The following CREB3L2 variants were observed in gnomAD, a reference collection of about 807,000 sequenced individuals.
CREB3L2 encodes cyclic AMP-responsive element-binding protein 3-like protein 2.
In CREB3L2, 23 loss-of-function variants were observed where a neutral mutation model predicts 57.2. That is an observed-to-expected ratio of 0.40 (90% confidence interval 0.29 to 0.57). The LOEUF is 0.57. Among genes scored for constraint, CREB3L2 ranks in the 20% least tolerant of loss-of-function variants. The pLI, the probability that CREB3L2 is intolerant of heterozygous loss-of-function variation, is 0.42. For missense variants in CREB3L2, 628 were observed against 634.7 expected, an observed-to-expected ratio of 0.99 and a Z score of 0.11; for synonymous variants, 268 against 265.1, an observed-to-expected ratio of 1.01 and a Z score of -0.11.
rs1420597509 is a variant in CREB3L2 at position 137,928,251 on chromosome 7, G to A, written c.218C>T (p.Pro73Leu). The A allele has an allele frequency of 1.1e-5, 18 of 1,613,454 alleles. No individual in the cohort carries two copies. Among genetic ancestry groups the A allele is most frequent in the East Asian group, 2.2e-5 (1 of 44,848 alleles). The change falls in exon 2 of 12, where the codon CCG becomes CTG. Residue 73 changes from proline to leucine, a missense_variant. By Grantham distance (98) the Pro-to-Leu change is moderately conservative. Transcript: ENST00000330387. ...GTGCTCAGCCTGGATGAGAGGCGCC[G>A]GGGACGTCGGGGAAGGTTCCACCTC... Reference protein sequence around the residue: ...SMEVEPSPTSPAPLIQAEHSY... With the variant: ...SMEVEPSPTSLAPLIQAEHSY...
intron 8 of CREB3L2, among the ~76,000 whole-genome samples, chr7:137,896,151 A>G (rs895544884): frequency 1.4e-4 from 21 of 152,228 alleles, no homozygotes; most frequent in South Asian, 2.1e-4. Context: ...TTACTGTGGT[A>G]TTCTCTGAGC....
chr7:137,877,919 T>C lies in CREB3L2; in HGVS notation c.*2557A>G, dbSNP rs1420949856. On this transcript the variant is annotated 3_prime_UTR_variant, in exon 12 of 12. Transcript: ENST00000330387. The stretch of plus-strand genomic sequence containing the variant: ...TCTGTGTCCTCTTGACCCCATTTTG[T>C]CCTCCTAAAGGGACAACTGTTAGTT... 4.4e-6 allele frequency: 1 copy of C among 227,988 alleles called. No homozygotes were observed. The highest frequency in any genetic ancestry group is 8.7e-6 in the Non-Finnish European group (1 of 114,900). The allele number at this position is 227,988 out of a possible 1,614,324, so 14.1% of individuals were successfully genotyped here. A position where few individuals can be genotyped will look rare whatever the true frequency, so the allele number is the denominator to read the frequency against.
intron 1 of CREB3L2, among the ~76,000 whole-genome samples, chr7:137,976,072 A>G (rs540046167): frequency 6.6e-6 from 1 of 152,224 alleles, no homozygotes; most frequent in Admixed American, 6.5e-5. Context: ...TCTTTCAAAA[A>G]CATCTCTTTC....
chr7:137,995,333 C>CTTTTTTTTTTTTTTT lies in CREB3L2; in HGVS notation c.102+6256_102+6270dup, dbSNP rs10676214. ...CTATTTCTTTTTTTTTCTTTTCTTT[C>CTTTTTTTTTTTTTTT]TTTTTTTTTTTTTTTTTTTGAGACA... On this transcript the variant is annotated intron_variant, in intron 1 of 11. Coordinates refer to ENST00000330387, the MANE Select transcript of CREB3L2 (RefSeq NM_194071.4). Among the ~76,000 whole-genome samples, 94 of 87,432 alleles carry CTTTTTTTTTTTTTTT rather than the reference C, an allele frequency of 1.1e-3. 3 individuals are homozygous for CTTTTTTTTTTTTTTT. Among genetic ancestry groups the CTTTTTTTTTTTTTTT allele is most frequent in the African/African-American group, 1.5e-3 (31 of 21,188 alleles). 57.4% of individuals were successfully genotyped at this position (87,432 alleles called of 152,430 possible). A position where few individuals can be genotyped will look rare whatever the true frequency, so the allele number is the denominator to read the frequency against.
chr7:137,895,642 C>A lies in CREB3L2; in HGVS notation c.1043+5712G>T, dbSNP rs868728323. On this transcript the variant is annotated intron_variant, in intron 8 of 11. Transcript: ENST00000330387. Reference sequence around the variant, plus strand: ...TAGGTGGCTGCTGCTGAGTCCAGTACAAAAAAAAAAAGAAAGAAAACCATA... The same window carrying A: ...TAGGTGGCTGCTGCTGAGTCCAGTAAAAAAAAAAAAAGAAAGAAAACCATA... 1.4e-3 allele frequency among the ~76,000 whole-genome samples: 153 copies of A among 111,882 alleles called. 1 individual carries two copies. Among genetic ancestry groups the A allele is most frequent in the Non-Finnish European group, 1.6e-3 (91 of 58,068 alleles). The allele number at this position is 111,882 out of a possible 152,430, so 73.4% of individuals were successfully genotyped here.
At chr7:137,988,184 T>TG (rs1247253951) in intron 1 of CREB3L2, among the ~76,000 whole-genome samples, 1 of 152,196 alleles carries the variant, frequency 6.6e-6, no homozygotes, top group Admixed American at 6.5e-5. Flanking sequence ...CTCATGTCCC[T>TG]GACAGGCCTG....
intron 1 of CREB3L2, among the ~76,000 whole-genome samples, chr7:137,975,791 C>T (rs1282395658): frequency 6.6e-6 from 1 of 152,198 alleles, no homozygotes; most frequent in Non-Finnish European, 1.5e-5. Flanking sequence ...TCAAGCTTTG[C>T]ATGAAACAGC....
intron 1 of CREB3L2, among the ~76,000 whole-genome samples, chr7:137,995,079 C>T (rs1217391894): frequency 6.6e-6 from 1 of 152,100 alleles, no homozygotes; most frequent in East Asian, 1.9e-4. Context: ...GAATCCTTAC[C>T]AATAAAGCTT....
At chr7:137,912,844 T>G (rs963410868) in intron 4 of CREB3L2, 147 bp downstream of exon 4, 1 of 1,528,452 alleles carries the variant, frequency 6.5e-7, no homozygotes, top group African/African-American at 1.4e-5. Flanking sequence ...GAAGCAAAAT[T>G]TTTATTTTTT....
chr7:137,908,005 A>G (rs961973394), intron 5 of CREB3L2, among the ~76,000 whole-genome samples: 1 of 152,268 alleles, frequency 6.6e-6, no homozygotes, highest in African/African-American at 2.4e-5. Context: ...TAAAATAAAC[A>G]TATGAATAAA....
chr7:137,902,194 C>CAAAA lies in CREB3L2; in HGVS notation c.975-776_975-773dup, dbSNP rs58506555. On this transcript the variant is annotated intron_variant, in intron 7 of 11. Transcript: ENST00000330387. ...GGGCCACAGAGCGAGACTCTGTCTC[C>CAAAA]AAAAAAAAAAAAAAAAAAGAGGGAG... Among the ~76,000 whole-genome samples the CAAAA allele has an allele frequency of 2.4e-4, 20 of 84,954 alleles. 4 individuals are homozygous for CAAAA. The highest frequency in any genetic ancestry group is 3.7e-4 in the East Asian group (1 of 2,680). 55.7% of individuals were successfully genotyped at this position (84,954 alleles called of 152,430 possible). A position where few individuals can be genotyped will look rare whatever the true frequency, so the allele number is the denominator to read the frequency against.
intron 2 of CREB3L2, among the ~76,000 whole-genome samples, chr7:137,922,416 G>GTATATATATATATATATATA (rs1179011567): frequency 1.2e-4 from 2 of 17,230 alleles, no homozygotes; most frequent in Non-Finnish European, 2.6e-4. Flanking sequence ...ATATATATAT[G>GTATATATATATATATATATA]TATATATATA....
intron 2 of CREB3L2, among the ~76,000 whole-genome samples, chr7:137,927,274 A>AAAGGAAAGGAGG (rs1554498586): frequency 1.7e-4 from 22 of 133,118 alleles, no homozygotes; most frequent in Admixed American, 1.3e-3. Context: ...AAAGGAAAGG[A>AAAGGAAAGGAGG]AAGGAGGAAG....
chr7:137,924,961 T>C (rs1387137473), intron 2 of CREB3L2, among the ~76,000 whole-genome samples: 1 of 152,202 alleles, frequency 6.6e-6, no homozygotes, highest in African/African-American at 2.4e-5. Flanking sequence ...AGAAATGATA[T>C]AATAACTCTC....
rs550921326 is a variant in CREB3L2, at chr7:137,938,502, C to T, written c.103-10136G>A. ...CTGGGATTACAGGTTCCCGCCACCA[C>T]GCCCAGCTAATTTTTGTATTTTTAG... On this transcript the variant is annotated intron_variant, in intron 1 of 11. Coordinates refer to ENST00000330387, the MANE Select transcript of CREB3L2 (RefSeq NM_194071.4). Among the ~76,000 whole-genome samples the T allele has an allele frequency of 7.9e-5, 12 of 152,020 alleles. No homozygotes were observed. The East Asian group carries it at 9.7e-4, about 12-fold the overall frequency.
intron 1 of CREB3L2, among the ~76,000 whole-genome samples, chr7:137,928,745 T>C (rs1385295974): frequency 6.6e-6 from 1 of 152,090 alleles, no homozygotes; most frequent in Non-Finnish European, 1.5e-5. Flanking sequence ...AAATCTTCCA[T>C]GAGGGAGAAA....
chr7:137,994,024 A>G (rs1396887296), intron 1 of CREB3L2, among the ~76,000 whole-genome samples: 6 of 152,250 alleles, frequency 3.9e-5, no homozygotes, highest in South Asian at 2.1e-4. Context: ...TCCACTGAGC[A>G]GGGAAAAAGA....
intron 1 of CREB3L2, among the ~76,000 whole-genome samples, chr7:137,936,452 C>T (rs1368719240): frequency 2.0e-5 from 3 of 152,146 alleles, no homozygotes; most frequent in South Asian, 4.2e-4. Flanking sequence ...TGTGTGTGTG[C>T]GTGTGTGCAT....
At chr7:137,908,684 C>T (rs111503958) in intron 4 of CREB3L2, among the ~76,000 whole-genome samples, 8 of 152,134 alleles carry the variant, frequency 5.3e-5, no homozygotes, top group African/African-American at 1.7e-4. Flanking sequence ...AATAAACGTG[C>T]GACCAGGGGC....
Sources: allele counts gnomAD v4.1 joint callset (sites outside exome capture counted in the v4.1 genomes callset), GRCh38; gene constraint gnomAD v4.1.1; transcripts MANE v1.5; gene names NCBI Gene and HGNC (gene_info 2026-07-23, HGNC 2026-07-21).